Variants in SLC66A2 observed in about 807,000 individuals in gnomAD.
The protein encoded by SLC66A2 is solute carrier family 66 member 2.
Under a neutral mutation model 25.5 loss-of-function variants are expected in SLC66A2, and 23 were observed. That is an observed-to-expected ratio of 0.90 (90% confidence interval 0.65 to 1.28). The LOEUF is 1.28. SLC66A2 is among the 50% of genes most tolerant of loss of function. The pLI, the probability that SLC66A2 is intolerant of heterozygous loss-of-function variation, is 0.00. For missense variants in SLC66A2, 396 were observed against 373.1 expected (o/e 1.06, Z -0.51); for synonymous variants, 193 against 166.5 (o/e 1.16, Z -1.23).
chr18:79,949,519 C>G (rs950723074), intron 2 of SLC66A2: 1 of 152,224 alleles, frequency 6.6e-6, no homozygotes, highest in Non-Finnish European at 1.5e-5. Flanking sequence ...CAAAAATTAC[C>G]TGGGTATGGT....
intron 4 of SLC66A2, among the ~76,000 whole-genome samples, chr18:79,925,576 G>A (rs752189378): frequency 2.6e-5 from 4 of 152,236 alleles, no homozygotes; most frequent in Non-Finnish European, 5.9e-5. Context: ...GGGCGTGGCT[G>A]CCCTCAACTC....
rs1190853219 is a variant in SLC66A2, at chr18:79,904,502, C to T, written c.609-319G>A. Among the ~76,000 whole-genome samples, 1 of 152,130 alleles carries T rather than the reference C, an allele frequency of 6.6e-6. No homozygotes were observed. Among genetic ancestry groups the T allele is most frequent in the Non-Finnish European group, 1.5e-5 (1 of 68,014 alleles). ...CGCAAGAGCTGCCGCCTGGCTGGGG[C>T]TCTGCAAGCCCAAGAACAGTGAGAC... On this transcript the variant is annotated intron_variant, in intron 5 of 5. Transcript: ENST00000397778. The surrounding 1 kb of genome is among the most constrained non-coding windows in gnomAD (Gnocchi z 6.3).
Position 79,918,431 on chromosome 18 carries a change from CCCCAGTGAGGAGCGGGCACCGGGGAG to C in SLC66A2, c.608+727_608+752del, listed in dbSNP as rs1984532595. Among the ~76,000 whole-genome samples the C allele has an allele frequency of 1.8e-5, 2 of 114,062 alleles. No individual in the cohort carries two copies. Among genetic ancestry groups the C allele is most frequent in the African/African-American group, 5.5e-5 (2 of 36,150 alleles). 74.8% of individuals were successfully genotyped at this position (114,062 alleles called of 152,430 possible). On this transcript the variant is annotated intron_variant, in intron 5 of 5. Transcript: ENST00000397778. This position sits in a 1 kb window ranked among gnomAD's most constrained non-coding sequence, Gnocchi z 4.0. Reference sequence around the variant, plus strand: ...GTGAGGAGCGGGCCCGGGGGGGGGTCCCCAGTGAGGAGCGGGCACCGGGGAGGGTCCCCAGTGAGGAGCGGCACCGG... The same window carrying C: ...GTGAGGAGCGGGCCCGGGGGGGGGTCGGTCCCCAGTGAGGAGCGGCACCGG...
Position 79,941,922 on chromosome 18 carries a change from T to C in SLC66A2, c.337+1407A>G, listed in dbSNP as rs1300318946. ...ACAGCAGAAACTCCCAGCAACGCAC[T>C]GGGCATCTTAGGCACAAACCGTTCT... On this transcript the variant is annotated intron_variant, in intron 3 of 5. Transcript: ENST00000397778. The surrounding 1 kb of genome is among the most constrained non-coding windows in gnomAD (Gnocchi z 4.1). 4.6e-5 allele frequency among the ~76,000 whole-genome samples: 7 copies of C among 152,168 alleles called. No homozygotes were observed. The highest frequency in any genetic ancestry group is 7.3e-5 in the Non-Finnish European group (5 of 68,034).
rs1568285356 is a variant in SLC66A2 at position 79,904,234 on chromosome 18, C to A, written c.609-51G>T. 1 of 1,539,708 alleles carries A rather than the reference C, an allele frequency of 6.5e-7. No individual in the cohort carries two copies. The highest frequency in any genetic ancestry group is 9.0e-7 in the Non-Finnish European group (1 of 1,116,024). On this transcript the variant is annotated intron_variant, in intron 5 of 5. Transcript: ENST00000397778. The surrounding 1 kb of genome is among the most constrained non-coding windows in gnomAD (Gnocchi z 6.3). Reference sequence around the variant, plus strand: ...GCGGTGGGGAGGGCGGCGACCTGGGCTCAGTCAGTGGGGAGGCCTGGGGCT... The same window carrying A: ...GCGGTGGGGAGGGCGGCGACCTGGGATCAGTCAGTGGGGAGGCCTGGGGCT...
rs1384394909 is a variant in SLC66A2, at chr18:79,916,164, C to T, written c.608+3020G>A. On this transcript the variant is annotated intron_variant, in intron 5 of 5. Coordinates refer to ENST00000397778, the MANE Select transcript of SLC66A2 (RefSeq NM_025078.5). ...CCCGTACCCGCGGCGCTCTCGTACC[C>T]GCAGTGCTCCCGTACCCTCCCATAC... Among the ~76,000 whole-genome samples the T allele has an allele frequency of 1.9e-3, 112 of 58,856 alleles. 5 individuals are homozygous for T. Among genetic ancestry groups the T allele is most frequent in the East Asian group, 5.4e-3 (3 of 556 alleles). The allele number at this position is 58,856 out of a possible 152,430, so 38.6% of individuals were successfully genotyped here. A position where few individuals can be genotyped will look rare whatever the true frequency, so the allele number is the denominator to read the frequency against.
intron 3 of SLC66A2, chr18:79,935,482 A>G (rs1255111140): frequency 6.6e-6 from 1 of 152,300 alleles, no homozygotes. Flanking sequence ...TCAGGATCCA[A>G]AAAGGGCCCA....
At chr18:79,933,459 A>T (rs1417225330) in intron 4 of SLC66A2, among the ~76,000 whole-genome samples, 2 of 152,248 alleles carry the variant, frequency 1.3e-5, no homozygotes, top group Non-Finnish European at 2.9e-5. Flanking sequence ...GTAAGGAAGA[A>T]TTAAAACTAT....
Position 79,921,869 on chromosome 18 carries a change from G to C in SLC66A2, c.392-2469C>G, listed in dbSNP as rs12968178. 1.5e-3 allele frequency among the ~76,000 whole-genome samples: 56 copies of C among 36,750 alleles called. 16 individuals are homozygous for C. The highest frequency in any genetic ancestry group is 0.021 in the Middle Eastern group (1 of 48). The allele number at this position is 36,750 out of a possible 152,430, so 24.1% of individuals were successfully genotyped here. A position where few individuals can be genotyped will look rare whatever the true frequency, so the allele number is the denominator to read the frequency against. On this transcript the variant is annotated intron_variant, in intron 4 of 5. Coordinates refer to ENST00000397778, the MANE Select transcript of SLC66A2 (RefSeq NM_025078.5). ...GGAACCGAGGGAGAGGTCAAGGTCA[G>C]TGAGGAGAGACGGGAACCGAGGGAG...
At position 79,950,805 on chromosome 18, in the gene SLC66A2, C is replaced by T. The variant is rs150042611; in HGVS notation, c.122G>A (p.Arg41His). The T allele has an allele frequency of 5.3e-5, 85 of 1,612,948 alleles. No homozygotes were observed. The highest frequency in any genetic ancestry group is 6.7e-5 in the Non-Finnish European group (79 of 1,179,966). ...VPYVPQYRDI[R>H]RTQNADGFST... ...GAAGCCGTCGGCGTTCTGCGTCCTG[C>T]GAATGTCCCGATACTGCGGGACGTA... Residue 41 changes from arginine to histidine, a missense_variant, in exon 2 of 6, where the codon CGC becomes CAC. Transcript: ENST00000397778.
In SLC66A2 at chr18:79,950,949, C is replaced by T. The variant is rs577009928; in HGVS notation, c.-23G>A. 6.7e-7 allele frequency: 1 copy of T among 1,496,206 alleles called. No individual in the cohort carries two copies. The highest frequency in any genetic ancestry group is 8.9e-7 in the Non-Finnish European group (1 of 1,119,632). The allele number at this position is 1,496,206 out of a possible 1,614,324, so 92.7% of individuals were successfully genotyped here. The stretch of plus-strand genomic sequence containing the variant: ...CATCGCAGCGCCCGCCTGGCCGAGG[C>T]TGTCACGGGCTCCGCGCCCCGCGGG... On this transcript the variant is annotated 5_prime_UTR_variant, in exon 2 of 6. Coordinates refer to ENST00000397778, the MANE Select transcript of SLC66A2 (RefSeq NM_025078.5).
At chr18:79,909,560 C>CAG (rs1982637594) in intron 5 of SLC66A2, among the ~76,000 whole-genome samples, 1 of 147,126 alleles carries the variant, frequency 6.8e-6, no homozygotes, top group African/African-American at 2.5e-5. Flanking sequence ...ACACCCTCAC[C>CAG]AGAGTCCCCA....
intron 4 of SLC66A2, among the ~76,000 whole-genome samples, chr18:79,923,225 GTGGAT>G: frequency 1.9e-5 from 2 of 104,612 alleles, no homozygotes; most frequent in African/African-American, 6.7e-5. Flanking sequence ...CGGTGAGGGG[GTGGAT>G]GGGGGGGGGC....
rs1232579183 is a variant in SLC66A2, at chr18:79,917,176, T to G, written c.608+2008A>C. ...CCTCAGGGCCTAAGACAGGCCTGCC[T>G]GCAGGGCCGCCTCGGCCAGCATCTG... On this transcript the variant is annotated intron_variant, in intron 5 of 5. Transcript: ENST00000397778. This position sits in a 1 kb window ranked among gnomAD's most constrained non-coding sequence, Gnocchi z 6.0. Among the ~76,000 whole-genome samples, 1 of 152,256 alleles carries G rather than the reference T, an allele frequency of 6.6e-6. No homozygotes were observed. The highest frequency in any genetic ancestry group is 6.5e-5 in the Admixed American group (1 of 15,292).
intron 3 of SLC66A2, among the ~76,000 whole-genome samples, chr18:79,938,653 G>A (rs560670501): frequency 4.2e-4 from 64 of 152,342 alleles, no homozygotes; most frequent in African/African-American, 1.4e-3. Flanking sequence ...TCTGGAGGGT[G>A]GGGTGGAGGC....
intron 3 of SLC66A2, among the ~76,000 whole-genome samples, chr18:79,934,454 C>G (rs1986882573): frequency 6.6e-6 from 1 of 152,138 alleles, no homozygotes; most frequent in Non-Finnish European, 1.5e-5. Context: ...GGTCAAAACT[C>G]TTCAGAAGGC....
rs1987620128 is a variant in SLC66A2 at position 79,941,028 on chromosome 18, C to T, written c.337+2301G>A. Among the ~76,000 whole-genome samples the T allele has an allele frequency of 6.6e-6, 1 of 152,082 alleles. No individual in the cohort carries two copies. Among genetic ancestry groups the T allele is most frequent in the Non-Finnish European group, 1.5e-5 (1 of 68,004 alleles). On this transcript the variant is annotated intron_variant, in intron 3 of 5. Coordinates refer to ENST00000397778, the MANE Select transcript of SLC66A2 (RefSeq NM_025078.5). This position sits in a 1 kb window ranked among gnomAD's most constrained non-coding sequence, Gnocchi z 4.1. Reference sequence around the variant, plus strand: ...TGGACTGCTTCCCAAATACTCCAGGCCTGAGGAAAGGGTGCCCCAGCTTCC... The same window carrying T: ...TGGACTGCTTCCCAAATACTCCAGGTCTGAGGAAAGGGTGCCCCAGCTTCC...
intron 4 of SLC66A2, among the ~76,000 whole-genome samples, chr18:79,923,937 C>T (rs1262265582): frequency 1.3e-5 from 2 of 151,038 alleles, no homozygotes; most frequent in African/African-American, 2.4e-5. Flanking sequence ...CTTGGGAGGC[C>T]GAAGCAGGAG....
intron 5 of SLC66A2, among the ~76,000 whole-genome samples, chr18:79,913,220 G>A (rs1160491783): frequency 6.6e-6 from 1 of 152,094 alleles, no homozygotes; most frequent in African/African-American, 2.4e-5. Flanking sequence ...CACTGTCGGG[G>A]TCCACACAGG....
Sources: gnomAD v4.1 joint callset for allele counts (sites outside exome capture counted in the v4.1 genomes callset) on GRCh38, gnomAD v4.1.1 for gene constraint, Gnocchi (gnomAD v3.1) non-coding constraint, MANE v1.5 for transcripts, NCBI Gene and HGNC (gene_info 2026-07-23, HGNC 2026-07-21) for gene names.